MSI2: variants seen among roughly 807,000 people sequenced by gnomAD.
The protein encoded by MSI2 is RNA-binding protein Musashi homolog 2.
MSI2 carries 17 observed loss-of-function variants against 45.6 expected under a neutral mutation model. The observed-to-expected ratio is 0.37, with a 90% confidence interval of 0.26 to 0.56. The LOEUF is 0.56. Ranked by LOEUF, MSI2 falls within the 20% of genes least tolerant of loss-of-function variation. The pLI is 0.77. For missense variants in MSI2, 293 were observed against 444.2 expected, an observed-to-expected ratio of 0.66 and a Z score of 3.06; for synonymous variants, 156 against 158.2, an observed-to-expected ratio of 0.99 and a Z score of 0.11.
chr17:57,520,539 G>A (rs975468242), intron 6 of MSI2, among the ~76,000 whole-genome samples: 2 of 152,216 alleles, frequency 1.3e-5, no homozygotes, highest in Admixed American at 6.5e-5. Flanking sequence ...CTTCTGTGAA[G>A]AGTTCGAGAA....
At position 57,407,218 on chromosome 17, in the gene MSI2, C is replaced by T. The variant is rs548181614; in HGVS notation, c.405+5747C>T. 2.6e-5 allele frequency among the ~76,000 whole-genome samples: 4 copies of T among 151,994 alleles called. No individual in the cohort carries two copies. Among genetic ancestry groups the T allele is most frequent in the South Asian group, 4.2e-4 (2 of 4,808 alleles). ...TTCCCGTTTATCCGGCCAGCGTGGG[C>T]GATTGTGGGTGAGTGAGGCCCGAGG... On this transcript the variant is annotated intron_variant, in intron 6 of 13. Transcript: ENST00000284073. The surrounding 1 kb of genome is among the most constrained non-coding windows in gnomAD (Gnocchi z 4.1).
rs1162246762 is a variant in MSI2 at position 57,504,294 on chromosome 17, C to T, written c.406-25382C>T. On this transcript the variant is annotated intron_variant, in intron 6 of 13. Coordinates refer to ENST00000284073, the MANE Select transcript of MSI2 (RefSeq NM_138962.4). ...GTTATGACCTCACAAGGCAGCCCCC[C>T]GGGATTCTCCTCATGCCTTTCCTTC... Among the ~76,000 whole-genome samples the T allele has an allele frequency of 4.6e-5, 7 of 152,336 alleles. No homozygotes were observed. In the East Asian group the frequency reaches 1.2e-3, roughly 25 times the overall value.
rs1053843043 is a variant in MSI2 at position 57,526,966 on chromosome 17, G to A, written c.406-2710G>A. 5.3e-5 allele frequency among the ~76,000 whole-genome samples: 8 copies of A among 152,222 alleles called. No individual in the cohort carries two copies. The South Asian group carries it at 1.0e-3, about 20-fold the overall frequency. ...TCCCCCACGCTCACCAGGGTGGAGC[G>A]AATGTTGAGAGGGCGCTATTAGAAA... On this transcript the variant is annotated intron_variant, in intron 6 of 13. Coordinates refer to ENST00000284073, the MANE Select transcript of MSI2 (RefSeq NM_138962.4).
chr17:57,448,209 T>G (rs1340258117), intron 6 of MSI2: 1 of 152,090 alleles, frequency 6.6e-6, no homozygotes, highest in East Asian at 1.9e-4. Flanking sequence ...GGGAAAGCAA[T>G]CCCATGAGCA....
chr17:57,258,313 A>G lies in MSI2; in HGVS notation c.229A>G (p.Lys77Glu), dbSNP rs1907006816. 1 of 1,613,868 alleles carries G rather than the reference A, an allele frequency of 6.2e-7. No individual in the cohort carries two copies. The highest frequency in any genetic ancestry group is 2.2e-5 in the East Asian group (1 of 44,866). The change falls in exon 4 of 14, where the codon AAA becomes GAA. Residue 77 changes from lysine to glutamate, a missense_variant. Physicochemically the swap from Lys to Glu is moderately conservative, Grantham distance 56. Coordinates refer to ENST00000284073, the MANE Select transcript of MSI2 (RefSeq NM_138962.4). ...GTTCGCAGACCCAGCAAGTGTAGATAAAGTATTAGGTCAGCCCCACCATGA... is the reference window on the plus strand; with the variant it reads ...GTTCGCAGACCCAGCAAGTGTAGATGAAGTATTAGGTCAGCCCCACCATGA... Reference protein sequence around the residue: ...VTFADPASVDKVLGQPHHELD... With the variant: ...VTFADPASVDEVLGQPHHELD...
chr17:57,357,145 T>C (rs1916484217), intron 5 of MSI2, among the ~76,000 whole-genome samples: 1 of 152,184 alleles, frequency 6.6e-6, no homozygotes. Context: ...CTGGCCCCGT[T>C]TCTCCTTGAG....
Position 57,682,765 on chromosome 17 carries a change from G to A in MSI2, c.*3248G>A. 1 of 222,904 alleles carries A rather than the reference G, an allele frequency of 4.5e-6. No homozygotes were observed. Among genetic ancestry groups the A allele is most frequent in the Non-Finnish European group, 9.0e-6 (1 of 111,630 alleles). The allele number at this position is 222,904 out of a possible 1,614,324, so 13.8% of individuals were successfully genotyped here. A position where few individuals can be genotyped will look rare whatever the true frequency, so the allele number is the denominator to read the frequency against. On this transcript the variant is annotated 3_prime_UTR_variant, in exon 14 of 14. Coordinates refer to ENST00000284073, the MANE Select transcript of MSI2 (RefSeq NM_138962.4). ...TGGGGGAGAAACCCTCTTGGCTGAT[G>A]GCTTTTCCCCGGAATTATCAAACAG... is the stretch of plus-strand genomic sequence containing the variant.
At chr17:57,502,994 C>A (rs902897892) in intron 6 of MSI2, among the ~76,000 whole-genome samples, 3 of 152,050 alleles carry the variant, frequency 2.0e-5, no homozygotes, top group Admixed American at 2.0e-4. Flanking sequence ...TGATTTACTC[C>A]TCTTTGTAAT....
chr17:57,309,499 T>C (rs1192240826), intron 5 of MSI2, among the ~76,000 whole-genome samples: 2 of 152,202 alleles, frequency 1.3e-5, no homozygotes, highest in Non-Finnish European at 2.9e-5. Flanking sequence ...GAAACGTGTG[T>C]AATAAAACAT....
intron 7 of MSI2, among the ~76,000 whole-genome samples, chr17:57,546,057 C>A (rs1230548468): frequency 6.6e-6 from 1 of 152,150 alleles, no homozygotes; most frequent in Non-Finnish European, 1.5e-5. Flanking sequence ...CAGCGGGAGG[C>A]CCCTGTGTGT....
At chr17:57,641,785 G>A (rs1161200163) in intron 10 of MSI2, among the ~76,000 whole-genome samples, 2 of 152,362 alleles carry the variant, frequency 1.3e-5, no homozygotes, top group Non-Finnish European at 1.5e-5. Flanking sequence ...CTGGGTCTCA[G>A]AAAGATAGGC....
At chr17:57,297,447 T>TAA (rs139197711) in intron 5 of MSI2, among the ~76,000 whole-genome samples, 2 of 151,670 alleles carry the variant, frequency 1.3e-5, no homozygotes, top group African/African-American at 4.8e-5. Flanking sequence ...ATACATTTGA[T>TAA]AAAAAAAAAT....
intron 7 of MSI2, among the ~76,000 whole-genome samples, chr17:57,544,281 T>C (rs1035814408): frequency 6.6e-6 from 1 of 152,252 alleles, no homozygotes; most frequent in Non-Finnish European, 1.5e-5. Flanking sequence ...TTTAGGTTTA[T>C]GGCCTCTTTA....
In MSI2 at chr17:57,516,752, A is replaced by T. The variant is rs77550750; in HGVS notation, c.406-12924A>T. Among the ~76,000 whole-genome samples, 350 of 152,312 alleles carry T rather than the reference A, an allele frequency of 2.3e-3. 17 individuals carry two copies. The East Asian group carries it at 0.053, about 23-fold the overall frequency. On this transcript the variant is annotated intron_variant, in intron 6 of 13. Transcript: ENST00000284073. ...CAGTGATCACGTGTTCCTTTTACAC[A>T]CAAGGAAGCTGAGCTGCTTTGGAAA... is the stretch of plus-strand genomic sequence containing the variant.
intron 10 of MSI2, among the ~76,000 whole-genome samples, chr17:57,647,375 G>A (rs1368281908): frequency 1.3e-5 from 2 of 150,872 alleles, no homozygotes; most frequent in African/African-American, 4.9e-5. Flanking sequence ...CTTGAACCCT[G>A]GAGGCGGAGG....
At chr17:57,660,647 C>T (rs772206062) in intron 11 of MSI2, among the ~76,000 whole-genome samples, 12 of 152,196 alleles carry the variant, frequency 7.9e-5, no homozygotes, top group Non-Finnish European at 1.5e-4. Context: ...AAGTGATCAG[C>T]TTTGTCTGGG....
At chr17:57,457,339 G>C (rs2085135570) in intron 6 of MSI2, among the ~76,000 whole-genome samples, 1 of 152,134 alleles carries the variant, frequency 6.6e-6, no homozygotes, top group Non-Finnish European at 1.5e-5. Context: ...GGAGATGCAA[G>C]GGCTCCATGG....
At position 57,642,819 on chromosome 17, in the gene MSI2, G is replaced by A. The variant is rs562871884; in HGVS notation, c.728-9280G>A. Among the ~76,000 whole-genome samples the A allele has an allele frequency of 6.3e-4, 96 of 152,304 alleles. No individual in the cohort carries two copies. The Middle Eastern group carries it at 0.01, about 16-fold the overall frequency. On this transcript the variant is annotated intron_variant, in intron 10 of 13. Coordinates refer to ENST00000284073, the MANE Select transcript of MSI2 (RefSeq NM_138962.4). ...TATCAGTTCTGCTGCAGCTCACTGC[G>A]GAAGTTCTGGGTGACTGCATGCAGG...
intron 5 of MSI2, among the ~76,000 whole-genome samples, chr17:57,344,554 T>C (rs926683367): frequency 3.9e-5 from 6 of 152,210 alleles, no homozygotes; most frequent in Non-Finnish European, 8.8e-5. Flanking sequence ...GAGACCAAGA[T>C]AAGAAGGTTA....
Sources: gnomAD v4.1 joint callset for allele counts (sites outside exome capture counted in the v4.1 genomes callset) on GRCh38, gnomAD v4.1.1 for gene constraint, Gnocchi (gnomAD v3.1) non-coding constraint, MANE v1.5 for transcripts, NCBI Gene and HGNC (gene_info 2026-07-23, HGNC 2026-07-21) for gene names.